The following BCAS1 variants were observed in gnomAD, a reference collection of about 807,000 sequenced individuals.
The protein encoded by BCAS1 is breast carcinoma-amplified sequence 1.
In BCAS1, 46 loss-of-function variants were observed where a neutral mutation model predicts 65.4. That is an observed-to-expected ratio of 0.70 (90% confidence interval 0.55 to 0.90). The LOEUF is 0.90. Among genes scored for constraint, BCAS1 ranks in the 40% least tolerant of loss-of-function variants. The pLI, the probability that BCAS1 is intolerant of heterozygous loss-of-function variation, is 0.00. For missense variants in BCAS1, 793 were observed against 771.2 expected, an observed-to-expected ratio of 1.03 and a Z score of -0.33; for synonymous variants, 298 against 293.5, an observed-to-expected ratio of 1.02 and a Z score of -0.16.
chr20:53,982,624 C>T (rs928762663), intron 8 of BCAS1, among the ~76,000 whole-genome samples: 1 of 152,010 alleles, frequency 6.6e-6, no homozygotes, highest in Non-Finnish European at 1.5e-5. Context: ...TAAGAATTTC[C>T]TAGAATTTCC....
intron 4 of BCAS1, among the ~76,000 whole-genome samples, chr20:54,027,372 C>T (rs1188676633): frequency 6.6e-6 from 1 of 152,158 alleles, no homozygotes; most frequent in Non-Finnish European, 1.5e-5. Flanking sequence ...AATTTACGTA[C>T]AGTGCTCAGA....
intron 3 of BCAS1, among the ~76,000 whole-genome samples, chr20:54,030,723 G>A (rs982226878): frequency 3.3e-5 from 5 of 151,292 alleles, no homozygotes; most frequent in Non-Finnish European, 7.4e-5. Context: ...TAAGCATTGA[G>A]GCACAGTGAA....
intron 12 of BCAS1, among the ~76,000 whole-genome samples, chr20:53,949,458 G>A (rs1470371466): frequency 6.6e-6 from 1 of 152,174 alleles, no homozygotes; most frequent in Non-Finnish European, 1.5e-5. Flanking sequence ...ATCATGCAGG[G>A]ATCGGCCTGC....
chr20:53,950,884 T>C (rs544434916), intron 12 of BCAS1, among the ~76,000 whole-genome samples: 2 of 151,834 alleles, frequency 1.3e-5, no homozygotes, highest in South Asian at 2.1e-4. Context: ...CTAGACAACA[T>C]GTAAATGAAT....
intron 2 of BCAS1, 125 bp from the exon 3 acceptor site, chr20:54,058,279 C>G (rs2092327585): frequency 1.2e-6 from 1 of 865,276 alleles, no homozygotes; most frequent in Admixed American, 2.2e-5. Flanking sequence ...GGCTGTGTTT[C>G]TAGAAACTCC....
intron 3 of BCAS1, among the ~76,000 whole-genome samples, chr20:54,035,038 G>T (rs547004868): frequency 1.3e-5 from 2 of 151,368 alleles, no homozygotes; most frequent in East Asian, 3.9e-4. Context: ...ATGGGGAAAA[G>T]ATTTCCTATT....
intron 4 of BCAS1, among the ~76,000 whole-genome samples, chr20:54,001,066 T>G (rs1176076890): frequency 6.6e-6 from 1 of 152,230 alleles, no homozygotes; most frequent in Admixed American, 6.5e-5. Flanking sequence ...GGCTGGATAT[T>G]TTTTGTTCCT....
intron 10 of BCAS1, among the ~76,000 whole-genome samples, chr20:53,966,469 G>A (rs1178132028): frequency 6.6e-6 from 1 of 152,168 alleles, no homozygotes; most frequent in African/African-American, 2.4e-5. Context: ...GGACTTTGGG[G>A]ACTCAGGGGA....
intron 8 of BCAS1, among the ~76,000 whole-genome samples, 178 bp downstream of exon 8, chr20:53,985,109 G>A (rs1001867701): frequency 2.0e-5 from 3 of 152,084 alleles, no homozygotes; most frequent in Non-Finnish European, 2.9e-5. Context: ...AACATGACAG[G>A]CGTTTCATTT....
intron 10 of BCAS1, among the ~76,000 whole-genome samples, chr20:53,965,232 C>A (rs943125623): frequency 6.6e-6 from 1 of 152,222 alleles, no homozygotes; most frequent in African/African-American, 2.4e-5. Context: ...TCAACAATTT[C>A]TAACATAATT....
At chr20:53,968,212 G>C (rs1218143487) in intron 9 of BCAS1, among the ~76,000 whole-genome samples, 1 of 152,122 alleles carries the variant, frequency 6.6e-6, no homozygotes, top group African/African-American at 2.4e-5. Context: ...AAAATGTATG[G>C]GATGGAGACC....
intron 4 of BCAS1, among the ~76,000 whole-genome samples, chr20:54,008,225 A>G (rs1042396783): frequency 1.2e-4 from 19 of 152,034 alleles, no homozygotes; most frequent in African/African-American, 4.4e-4. Flanking sequence ...TTATCCCAAT[A>G]CCCCTGCAAG....
In BCAS1 at chr20:54,051,935, C is replaced by T. The variant is rs188776131; in HGVS notation, c.142+6150G>A. ...TGTATTTTTAGTAGAGACGGGGTTT[C>T]ACCACGTTGGCCAGGCTGGTCTCAA... On this transcript the variant is annotated intron_variant, in intron 3 of 12. Transcript: ENST00000688948. Among the ~76,000 whole-genome samples, 397 of 152,222 alleles carry T rather than the reference C, an allele frequency of 2.6e-3. 2 individuals carry two copies. Among genetic ancestry groups the T allele is most frequent in the African/African-American group, 9.4e-3 (390 of 41,522 alleles).
chr20:54,041,909 CA>C (rs796435949), intron 3 of BCAS1, among the ~76,000 whole-genome samples: 936 of 79,812 alleles, frequency 0.012, 4 homozygotes, highest in African/African-American at 0.045. Flanking sequence ...CTGTCTCCCC[CA>C]AAAAAAAAAA....
rs554175778 is a variant in BCAS1 at position 54,067,978 on chromosome 20, C to G, written c.-6+2455G>C. Among the ~76,000 whole-genome samples the G allele has an allele frequency of 3.9e-5, 6 of 152,350 alleles. No individual in the cohort carries two copies. In the South Asian group the frequency reaches 1.2e-3, roughly 32 times the overall value. On this transcript the variant is annotated intron_variant, in intron 1 of 12. Coordinates refer to ENST00000688948, the MANE Select transcript of BCAS1 (RefSeq NM_001366298.2). ...ACCTTGCAGGAGGAAAGAACAACCCCGCTTTGCCTGCCCCACAGTCCTGCA... is the reference window on the plus strand; with the variant it reads ...ACCTTGCAGGAGGAAAGAACAACCCGGCTTTGCCTGCCCCACAGTCCTGCA...
At chr20:54,040,953 A>T (rs1472461171) in intron 3 of BCAS1, among the ~76,000 whole-genome samples, 1 of 151,444 alleles carries the variant, frequency 6.6e-6, no homozygotes, top group Admixed American at 6.6e-5. Context: ...CAATTGGAAA[A>T]AGGAAATCTA....
chr20:53,989,301 A>G (rs1348631321), intron 7 of BCAS1, among the ~76,000 whole-genome samples: 1 of 152,182 alleles, frequency 6.6e-6, no homozygotes, highest in Non-Finnish European at 1.5e-5. Context: ...GAAACCCTTC[A>G]AAAACATTAC....
chr20:54,066,578 G>C (rs1350945074), intron 1 of BCAS1, among the ~76,000 whole-genome samples: 2 of 152,192 alleles, frequency 1.3e-5, no homozygotes, highest in Non-Finnish European at 1.5e-5. Context: ...CAGAAGGGTG[G>C]ACCTTGATCT....
chr20:53,993,977 G>A (rs1299412991), intron 6 of BCAS1, among the ~76,000 whole-genome samples: 1 of 152,128 alleles, frequency 6.6e-6, no homozygotes, highest in African/African-American at 2.4e-5. Context: ...ATTCAACCTT[G>A]GGGTCCAGGA....
Sources: gnomAD v4.1 joint callset for allele counts (sites outside exome capture counted in the v4.1 genomes callset) on GRCh38, gnomAD v4.1.1 for gene constraint, MANE v1.5 for transcripts, NCBI Gene and HGNC (gene_info 2026-07-23, HGNC 2026-07-21) for gene names.